GOLPH3L: variants seen among roughly 807,000 people sequenced by gnomAD.
GOLPH3L encodes Golgi phosphoprotein 3-like.
GOLPH3L carries 22 observed loss-of-function variants against 30.3 expected under a neutral mutation model. The ratio of observed to expected loss-of-function variants is 0.73; its 90% CI spans 0.52 to 1.04. GOLPH3L has a LOEUF of 1.04. Ranked by LOEUF, GOLPH3L falls within the 50% of genes least tolerant of loss-of-function variation. The pLI is 0.00. For missense variants in GOLPH3L, 303 were observed against 345.8 expected, an observed-to-expected ratio of 0.88 and a Z score of 0.98; for synonymous variants, 120 against 128.2, an observed-to-expected ratio of 0.94 and a Z score of 0.43.
Position 150,648,587 on chromosome 1 carries a change from G to A in GOLPH3L, c.592C>T (p.Arg198Ter), listed in dbSNP as rs1650036363. The A allele has an allele frequency of 1.2e-6, 2 of 1,613,870 alleles. No homozygotes were observed. Among genetic ancestry groups the A allele is most frequent in the East Asian group, 2.2e-5 (1 of 44,874 alleles). Residue 198 changes from arginine to a stop codon, truncating the protein, a stop_gained, in exon 5 of 5, where the codon CGA becomes TGA. Coordinates refer to ENST00000271732, the MANE Select transcript of GOLPH3L (RefSeq NM_018178.6). LOFTEE classifies it high-confidence loss of function. ...HPVTNTTEKQ[R>*]LVKKLQDSVL... ...CTATCTTGAAGTTTTTTCACTAGTC[G>A]CTGTTTCTCTGTTGTATTGGTCACT...
intron 2 of GOLPH3L, among the ~76,000 whole-genome samples, chr1:150,690,660 A>C (rs1009421408): frequency 1.3e-5 from 2 of 152,142 alleles, no homozygotes; most frequent in African/African-American, 4.8e-5. Context: ...CACCTACTTC[A>C]GTCATACTGG....
chr1:150,681,810 T>C (rs1247047544), intron 2 of GOLPH3L, among the ~76,000 whole-genome samples: 1 of 152,190 alleles, frequency 6.6e-6, no homozygotes, highest in African/African-American at 2.4e-5. Flanking sequence ...CTCACACCTG[T>C]AATCCTAGCA....
intron 3 of GOLPH3L, among the ~76,000 whole-genome samples, 159 bp downstream of exon 3, chr1:150,663,473 C>A (rs1468406570): frequency 6.6e-6 from 1 of 152,324 alleles, no homozygotes; most frequent in East Asian, 1.9e-4. Context: ...ACTTTGATTT[C>A]TCCCTCTTGC....
At chr1:150,686,081 G>T (rs1176987487) in intron 2 of GOLPH3L, among the ~76,000 whole-genome samples, 1 of 151,518 alleles carries the variant, frequency 6.6e-6, no homozygotes, top group Non-Finnish European at 1.5e-5. Flanking sequence ...TACCATATTG[G>T]CCAGGCTGGT....
intron 2 of GOLPH3L, among the ~76,000 whole-genome samples, chr1:150,667,225 G>A (rs1271387331): frequency 6.6e-6 from 1 of 152,104 alleles, no homozygotes; most frequent in African/African-American, 2.4e-5. Context: ...TAATTTTGGT[G>A]TTTGGGGGCC....
At chr1:150,683,397 G>A (rs1459478419) in intron 2 of GOLPH3L, among the ~76,000 whole-genome samples, 2 of 151,314 alleles carry the variant, frequency 1.3e-5, no homozygotes, top group Admixed American at 6.6e-5. Context: ...TTAGCTGGGC[G>A]TGGTGGTGGG....
intron 2 of GOLPH3L, among the ~76,000 whole-genome samples, chr1:150,681,871 A>G (rs1305414742): frequency 1.3e-5 from 2 of 152,166 alleles, no homozygotes; most frequent in South Asian, 2.1e-4. Flanking sequence ...ATTCAAGACC[A>G]GCCTGGCCAA....
In GOLPH3L at chr1:150,648,417, G is replaced by A; in HGVS notation, c.762C>T (p.Ala254=). The change falls in exon 5 of 5, where the codon GCC becomes GCT. Residue 254 remains alanine (A), a synonymous_variant. Transcript: ENST00000271732. ...CAGGGTCCAGTTCTACTAAGTCCTTGGCTCGATTCATTGCCACATCATACT... is the reference window on the plus strand; with the variant it reads ...CAGGGTCCAGTTCTACTAAGTCCTTAGCTCGATTCATTGCCACATCATACT... ...DDKYDVAMNR[A]KDLVELDPEV... is the part of the protein sequence containing the mutation. 2 of 1,613,586 alleles carry A rather than the reference G, an allele frequency of 1.2e-6. No individual in the cohort carries two copies. The highest frequency in any genetic ancestry group is 1.7e-6 in the Non-Finnish European group (2 of 1,179,540).
chr1:150,653,056 G>A (rs1650159868), intron 4 of GOLPH3L, among the ~76,000 whole-genome samples: 1 of 151,246 alleles, frequency 6.6e-6, no homozygotes, highest in Admixed American at 6.6e-5. Context: ...ATGCCAAGGT[G>A]GGCAGATTGC....
intron 2 of GOLPH3L, among the ~76,000 whole-genome samples, chr1:150,689,380 T>G (rs1383317659): frequency 1.3e-5 from 2 of 152,210 alleles, no homozygotes; most frequent in East Asian, 3.9e-4. Context: ...GCAAGTCAAT[T>G]AAAACACTGT....
chr1:150,664,215 G>A (rs1014740016), intron 2 of GOLPH3L, among the ~76,000 whole-genome samples: 5 of 152,030 alleles, frequency 3.3e-5, no homozygotes, highest in African/African-American at 1.2e-4. Flanking sequence ...TGTTGCCTAC[G>A]CTGGTCTCGA....
intron 3 of GOLPH3L, 76 bp from the exon 4 acceptor site, chr1:150,662,004 T>C: frequency 1.3e-6 from 1 of 759,586 alleles, no homozygotes; most frequent in Non-Finnish European, 2.4e-6. Flanking sequence ...ATATCATGTA[T>C]ATGTTACTGG....
At chr1:150,671,806 C>CAAA (rs397793655) in intron 2 of GOLPH3L, among the ~76,000 whole-genome samples, 160 of 44,094 alleles carry the variant, frequency 3.6e-3, no homozygotes, top group Middle Eastern at 0.013. Flanking sequence ...AACTCCGTCT[C>CAAA]AAAAAAAAAA....
Position 150,694,810 on chromosome 1 carries a change from C to T in GOLPH3L, c.29G>A (p.Arg10His), listed in dbSNP as rs756489230. Residue 10 changes from arginine (R) to histidine (H), a missense_variant, in exon 2 of 5, where the codon CGC becomes CAC. Arg to His is a conservative substitution (Grantham distance 29). Coordinates refer to ENST00000271732, the MANE Select transcript of GOLPH3L (RefSeq NM_018178.6). ...TTCAGAGTTCTTGCTTATTTCAGTGCGACGGGCCCGGTGAGTTAAAGTGGT... is the reference window on the plus strand; with the variant it reads ...TTCAGAGTTCTTGCTTATTTCAGTGTGACGGGCCCGGTGAGTTAAAGTGGT... MTTLTHRAR[R>H]TEISKNSEKK... The T allele has an allele frequency of 1.9e-5, 31 of 1,611,838 alleles. No individual in the cohort carries two copies. The highest frequency in any genetic ancestry group is 3.4e-5 in the Admixed American group (2 of 59,676).
At chr1:150,696,243 G>A (rs192282471) in intron 1 of GOLPH3L, among the ~76,000 whole-genome samples, 1 of 152,090 alleles carries the variant, frequency 6.6e-6, no homozygotes, top group African/African-American at 2.4e-5. Context: ...TGTACTTGCT[G>A]GGGTCTTCAC....
At chr1:150,666,640 GGA>G (rs1025005910) in intron 2 of GOLPH3L, among the ~76,000 whole-genome samples, 2 of 152,028 alleles carry the variant, frequency 1.3e-5, no homozygotes, top group Admixed American at 6.6e-5. Context: ...CCTGGCCTTT[GGA>G]GAGTTTTTAA....
Position 150,663,716 on chromosome 1 carries a change from C to T in GOLPH3L, c.231G>A (p.Gly77=), listed in dbSNP as rs775333295. 6 of 1,612,698 alleles carry T rather than the reference C, an allele frequency of 3.7e-6. No homozygotes were observed. The South Asian group carries it at 4.4e-5, about 12-fold the overall frequency. Residue 77 remains glycine (G), a synonymous_variant, in exon 3 of 5, where the codon GGG becomes GGA. Transcript: ENST00000271732. ...GCATGGCCAGCTCTATCAGGATGCCCCCTCGCAGGCCTGATGATATGCAGT... is the reference window on the plus strand; with the variant it reads ...GCATGGCCAGCTCTATCAGGATGCCTCCTCGCAGGCCTGATGATATGCAGT... The part of the protein sequence containing the change: ...WNDCISSGLR[G]GILIELAMRG...
intron 2 of GOLPH3L, among the ~76,000 whole-genome samples, chr1:150,666,456 T>C (rs1241577): frequency 0.021 from 3,208 of 152,238 alleles, 134 homozygotes; most frequent in African/African-American, 0.073. Context: ...GCAATTCTCC[T>C]GCCTCAGCCT....
At chr1:150,675,498 C>T (rs908342565) in intron 2 of GOLPH3L, among the ~76,000 whole-genome samples, 2 of 152,082 alleles carry the variant, frequency 1.3e-5, no homozygotes, top group South Asian at 2.1e-4. Flanking sequence ...AATTCTGGGG[C>T]GTCCCTTCAT....
Sources: allele counts gnomAD v4.1 joint callset (sites outside exome capture counted in the v4.1 genomes callset), GRCh38; gene constraint gnomAD v4.1.1; transcripts MANE v1.5; gene names NCBI Gene and HGNC (gene_info 2026-07-23, HGNC 2026-07-21).